CALN1: variants seen among roughly 807,000 people sequenced by gnomAD.
CALN1 encodes the protein calneuron 1.
CALN1 carries 17 observed loss-of-function variants against 30.6 expected under a neutral mutation model. The ratio of observed to expected loss-of-function variants is 0.56; its 90% CI spans 0.38 to 0.83. CALN1 has a LOEUF of 0.83. Ranked by LOEUF, CALN1 falls within the 40% of genes least tolerant of loss-of-function variation. CALN1 has a pLI of 0.00. For synonymous variants in CALN1, 156 were observed against 131.4 expected (o/e 1.19, Z -1.28); for missense variants, 291 against 354.9 (o/e 0.82, Z 1.45).
chr7:71,827,587 A>C (rs546754072), intron 5 of CALN1, among the ~76,000 whole-genome samples: 7 of 152,144 alleles, frequency 4.6e-5, no homozygotes, highest in African/African-American at 1.4e-4. Flanking sequence ...CCTGGCCAAC[A>C]CAGTGAAACC....
the CALN1 span, among the ~76,000 whole-genome samples, chr7:72,492,118 CA>C: frequency 2.0e-5 from 3 of 152,166 alleles, no homozygotes; most frequent in Non-Finnish European, 4.4e-5. Context: ...ACAACTACTG[CA>C]AACAACAGAG....
chr7:72,350,305 G>A (rs1250431170), intron 2 of CALN1, among the ~76,000 whole-genome samples: 2 of 152,090 alleles, frequency 1.3e-5, no homozygotes, highest in African/African-American at 4.8e-5. Flanking sequence ...AATATGAATC[G>A]TTCTACCATA....
intron 2 of CALN1, among the ~76,000 whole-genome samples, chr7:72,300,226 G>A (rs1383781477): frequency 6.6e-6 from 1 of 152,082 alleles, no homozygotes; most frequent in Non-Finnish European, 1.5e-5. Flanking sequence ...TAATGGGACT[G>A]ATACTTCATA....
chr7:72,343,440 C>A (rs569003435), intron 2 of CALN1, among the ~76,000 whole-genome samples: 19 of 151,898 alleles, frequency 1.3e-4, no homozygotes, highest in Admixed American at 9.8e-4. Flanking sequence ...CCCAGCTACT[C>A]GGAAGACTGA....
chr7:71,818,015 T>C (rs1301521591), intron 5 of CALN1, among the ~76,000 whole-genome samples: 1 of 152,190 alleles, frequency 6.6e-6, no homozygotes, highest in South Asian at 2.1e-4. Context: ...AAAAGATTTA[T>C]ATACTAATCC....
At chr7:72,177,586 G>A (rs943007813) in intron 3 of CALN1, among the ~76,000 whole-genome samples, 1 of 151,922 alleles carries the variant, frequency 6.6e-6, no homozygotes, top group African/African-American at 2.4e-5. Context: ...CCAACATGGT[G>A]AAACCTCATC....
chr7:71,987,074 C>G (rs577141019), intron 5 of CALN1, among the ~76,000 whole-genome samples: 1 of 151,424 alleles, frequency 6.6e-6, no homozygotes, highest in Non-Finnish European at 1.5e-5. Context: ...TGCAGTGAGC[C>G]GAGATCCCGC....
intron 5 of CALN1, among the ~76,000 whole-genome samples, chr7:71,858,116 G>T (rs1791059392): frequency 6.6e-6 from 1 of 152,146 alleles, no homozygotes. Context: ...GACCCTGTGG[G>T]AAGTAATTAA....
At chr7:72,396,277 G>T (rs1412367629) in intron 2 of CALN1, among the ~76,000 whole-genome samples, 1 of 84,204 alleles carries the variant, frequency 1.2e-5, no homozygotes, top group Non-Finnish European at 2.2e-5. Context: ...AGAAAAATTA[G>T]CTGGGTTTGC....
chr7:72,401,489 C>T (rs1357084424), intron 2 of CALN1, among the ~76,000 whole-genome samples: 1 of 152,162 alleles, frequency 6.6e-6, no homozygotes, highest in South Asian at 2.1e-4. Context: ...TGCGTGTGTG[C>T]GCGCACACAA....
intron 5 of CALN1, among the ~76,000 whole-genome samples, chr7:71,904,143 G>A (rs1363895245): frequency 9.2e-5 from 14 of 152,150 alleles, no homozygotes; most frequent in Non-Finnish European, 1.9e-4. Flanking sequence ...CATTATGGAG[G>A]TTCCTCAAAA....
At chr7:71,881,545 A>T (rs1352778434) in intron 5 of CALN1, among the ~76,000 whole-genome samples, 2 of 152,174 alleles carry the variant, frequency 1.3e-5, no homozygotes, top group Non-Finnish European at 2.9e-5. Context: ...TTCTACCAAG[A>T]AGCCACAATG....
Position 72,179,441 on chromosome 7 carries a change from T to C in CALN1, c.245-73147A>G, listed in dbSNP as rs144782822. Reference sequence around the variant, plus strand: ...GCAAGTGTCACTAAACACTTATGTCTGCATCGGAGTTTCCATCAGCCAAAA... The same window carrying C: ...GCAAGTGTCACTAAACACTTATGTCCGCATCGGAGTTTCCATCAGCCAAAA... On this transcript the variant is annotated intron_variant, in intron 3 of 6. Coordinates refer to ENST00000395275, the MANE Select transcript of CALN1 (RefSeq NM_031468.4). Among the ~76,000 whole-genome samples, 507 of 152,324 alleles carry C rather than the reference T, an allele frequency of 3.3e-3. 3 individuals carry two copies. Among genetic ancestry groups the C allele is most frequent in the African/African-American group, 7.8e-3 (324 of 41,566 alleles).
chr7:71,883,847 T>A (rs879520413), intron 5 of CALN1, among the ~76,000 whole-genome samples: 23 of 152,286 alleles, frequency 1.5e-4, no homozygotes, highest in South Asian at 4.2e-4. Context: ...CCAAGACACA[T>A]ACATGGCTTC....
At chr7:72,118,666 G>A (rs2129542045) in intron 3 of CALN1, among the ~76,000 whole-genome samples, 2 of 152,332 alleles carry the variant, frequency 1.3e-5, no homozygotes, top group East Asian at 3.9e-4. Flanking sequence ...TCCAGGCAGG[G>A]CCAAAAGGAA....
At position 71,941,350 on chromosome 7, in the gene CALN1, C is replaced by CAA. The variant is rs397759526; in HGVS notation, c.501+82305_501+82306dup. Among the ~76,000 whole-genome samples, 407 of 128,446 alleles carry CAA rather than the reference C, an allele frequency of 3.2e-3. 2 individuals carry two copies. Among genetic ancestry groups the CAA allele is most frequent in the East Asian group, 0.013 (57 of 4,550 alleles). The allele number at this position is 128,446 out of a possible 152,430, so 84.3% of individuals were successfully genotyped here. On this transcript the variant is annotated intron_variant, in intron 5 of 6. Transcript: ENST00000395275. Reference sequence around the variant, plus strand: ...TGGGCGACAGAGTGAGACTGCATCTCAAAAAAAAAAAAAAGAATTTCTGTT... The same window carrying CAA: ...TGGGCGACAGAGTGAGACTGCATCTCAAAAAAAAAAAAAAAAGAATTTCTGTT...
chr7:72,433,371 A>G (rs1010068525), intron 1 of CALN1, among the ~76,000 whole-genome samples: 1 of 152,148 alleles, frequency 6.6e-6, no homozygotes, highest in Admixed American at 6.5e-5. Flanking sequence ...AACAAAAAAG[A>G]AACTGGTTAG....
At chr7:71,997,342 T>G (rs1441364209) in intron 5 of CALN1, among the ~76,000 whole-genome samples, 2 of 151,968 alleles carry the variant, frequency 1.3e-5, no homozygotes, top group Admixed American at 1.3e-4. Flanking sequence ...ATGACAGATG[T>G]CAAAATCAGT....
intron 5 of CALN1, among the ~76,000 whole-genome samples, chr7:71,860,245 T>C (rs1009820523): frequency 2.0e-5 from 3 of 150,316 alleles, no homozygotes; most frequent in African/African-American, 4.9e-5. Context: ...CAGGTTGGAG[T>C]GCAGTGGGGT....
Sources: allele counts gnomAD v4.1 joint callset (sites outside exome capture counted in the v4.1 genomes callset), GRCh38; gene constraint gnomAD v4.1.1; transcripts MANE v1.5; gene names NCBI Gene and HGNC (gene_info 2026-07-23, HGNC 2026-07-21).